Variants in WDPCP observed in about 807,000 individuals in gnomAD.
WDPCP encodes the protein WD repeat-containing and planar cell polarity effector protein fritz homolog.
A neutral mutation model predicts 93.1 loss-of-function variants in WDPCP; 71 were observed. The ratio of observed to expected loss-of-function variants is 0.76; its 90% CI spans 0.63 to 0.93. The LOEUF is 0.93. Among genes scored for constraint, WDPCP ranks in the 40% least tolerant of loss-of-function variants. The pLI, the probability that WDPCP is intolerant of heterozygous loss-of-function variation, is 0.00. For missense variants in WDPCP, 844 were observed against 887.4 expected (o/e 0.95, Z 0.62); for synonymous variants, 315 against 315.0 (o/e 1.00, Z 0.00).
chr2:63,338,091 C>T (rs1688519556), intron 12 of WDPCP, among the ~76,000 whole-genome samples: 2 of 152,234 alleles, frequency 1.3e-5, no homozygotes, highest in South Asian at 2.1e-4. Flanking sequence ...TATCCCAGAG[C>T]CTTTCCCTAA....
chr2:63,583,455 G>A (rs141282869), intron 1 of WDPCP, among the ~76,000 whole-genome samples: 21 of 152,186 alleles, frequency 1.4e-4, no homozygotes, highest in African/African-American at 3.6e-4. Flanking sequence ...GAGGCCAGGC[G>A]GGCGGATCAG....
intron 2 of WDPCP, among the ~76,000 whole-genome samples, chr2:63,709,684 T>G (rs1247844976): frequency 2.0e-5 from 3 of 152,252 alleles, no homozygotes; most frequent in Non-Finnish European, 4.4e-5. Flanking sequence ...TTAACTTTTA[T>G]TGTCCTGAAA....
intron 14 of WDPCP, among the ~76,000 whole-genome samples, chr2:63,207,190 T>A (rs1449621443): frequency 6.6e-6 from 1 of 152,214 alleles, no homozygotes; most frequent in African/African-American, 2.4e-5. Context: ...TTGAATCTCA[T>A]TATCCAATAG....
At chr2:63,597,275 A>G (rs181135284) in intron 3 of WDPCP, 15 of 1,246,410 alleles carry the variant, frequency 1.2e-5, no homozygotes, top group Admixed American at 4.1e-5. Flanking sequence ...CCTGAAATGT[A>G]TATCAGTGTG....
intron 3 of WDPCP, among the ~76,000 whole-genome samples, chr2:63,615,457 T>C (rs1222583309): frequency 6.6e-6 from 1 of 152,108 alleles, no homozygotes; most frequent in Non-Finnish European, 1.5e-5. Flanking sequence ...GTCTGCATAA[T>C]AAAAGGTAGG....
At chr2:63,749,837 T>C (rs1390731739) in intron 2 of WDPCP, among the ~76,000 whole-genome samples, 1 of 152,172 alleles carries the variant, frequency 6.6e-6, no homozygotes, top group Non-Finnish European at 1.5e-5. Context: ...TAGGTGCCTA[T>C]TCTTCCACAT....
At chr2:63,306,327 AC>A (rs1372131444) in intron 13 of WDPCP, among the ~76,000 whole-genome samples, 1 of 152,068 alleles carries the variant, frequency 6.6e-6, no homozygotes, top group Non-Finnish European at 1.5e-5. Flanking sequence ...AGGAGCTGGT[AC>A]CATTCCTTCT....
chr2:63,503,771 T>C (rs1025467056), intron 1 of WDPCP, among the ~76,000 whole-genome samples: 2 of 152,110 alleles, frequency 1.3e-5, no homozygotes, highest in East Asian at 1.9e-4. Context: ...AACTCCTAAA[T>C]AGCTAAAATA....
chr2:63,463,161 A>C (rs552072096), intron 6 of WDPCP, among the ~76,000 whole-genome samples: 8 of 152,144 alleles, frequency 5.3e-5, no homozygotes, highest in Non-Finnish European at 1.0e-4. Context: ...AAAAAAAAAA[A>C]AAATTTCAAG....
At chr2:63,765,899 T>C (rs1670130340) in intron 2 of WDPCP, among the ~76,000 whole-genome samples, 1 of 152,222 alleles carries the variant, frequency 6.6e-6, no homozygotes, top group African/African-American at 2.4e-5. Flanking sequence ...AGGAATGAGC[T>C]GCGTGAAGAG....
intron 1 of WDPCP, among the ~76,000 whole-genome samples, chr2:63,575,465 A>ACAG (rs751954591): frequency 0.081 from 1,057 of 13,128 alleles, 272 homozygotes; most frequent in Middle Eastern, 0.12. Context: ...TACAGTATAT[A>ACAG]TGCAGTATAT....
At chr2:63,156,569 CTACTA>C (rs1405629593) in intron 15 of WDPCP, among the ~76,000 whole-genome samples, 2 of 151,956 alleles carry the variant, frequency 1.3e-5, no homozygotes, top group Non-Finnish European at 2.9e-5. Flanking sequence ...AACCCCATCT[CTACTA>C]AAAATACAAA....
chr2:63,604,761 C>T, intron 3 of WDPCP: 1 of 1,614,100 alleles, frequency 6.2e-7, no homozygotes, highest in South Asian at 1.1e-5. Flanking sequence ...GAAACCATTC[C>T]TCGACTCAGT....
At chr2:63,494,753 T>C (rs893735780) in intron 1 of WDPCP, among the ~76,000 whole-genome samples, 2 of 152,036 alleles carry the variant, frequency 1.3e-5, no homozygotes, top group African/African-American at 2.4e-5. Flanking sequence ...ACCTCGTCTC[T>C]ACTAAAAATA....
chr2:63,429,102 G>C (rs1274449338), intron 9 of WDPCP, among the ~76,000 whole-genome samples: 1 of 152,146 alleles, frequency 6.6e-6, no homozygotes, highest in Non-Finnish European at 1.5e-5. Flanking sequence ...ATAGTGTTAG[G>C]ATAGCTGGCT....
intron 12 of WDPCP, among the ~76,000 whole-genome samples, chr2:63,355,190 A>G (rs896336534): frequency 2.6e-5 from 4 of 152,144 alleles, no homozygotes; most frequent in African/African-American, 7.2e-5. Flanking sequence ...AAAGACAGCT[A>G]AAGAGAAAGG....
intron 3 of WDPCP, among the ~76,000 whole-genome samples, chr2:63,620,209 G>A (rs1709721162): frequency 1.3e-5 from 2 of 152,134 alleles, no homozygotes; most frequent in South Asian, 4.1e-4. Context: ...TAAAGCCAGG[G>A]AGCCAACTGG....
intron 11 of WDPCP, among the ~76,000 whole-genome samples, chr2:63,379,265 G>A (rs751172203): frequency 2.0e-5 from 3 of 152,142 alleles, no homozygotes; most frequent in African/African-American, 4.8e-5. Context: ...GAGTATGTAC[G>A]AGAACACTAC....
chr2:63,293,253 A>G (rs1358433751), intron 13 of WDPCP, among the ~76,000 whole-genome samples: 3 of 152,232 alleles, frequency 2.0e-5, no homozygotes, highest in African/African-American at 7.2e-5. Flanking sequence ...GGGGAAAATT[A>G]GAAAGTTACC....
Sources: gnomAD v4.1 joint callset for allele counts (sites outside exome capture counted in the v4.1 genomes callset) on GRCh38, gnomAD v4.1.1 for gene constraint, MANE v1.5 for transcripts, NCBI Gene and HGNC (gene_info 2026-07-23, HGNC 2026-07-21) for gene names.